Variants in TRERF1 observed in about 807,000 individuals in gnomAD.
TRERF1 encodes the protein transcriptional-regulating factor 1.
Under a neutral mutation model 122.9 loss-of-function variants are expected in TRERF1, and 27 were observed. The ratio of observed to expected loss-of-function variants is 0.22; its 90% confidence interval spans 0.16 to 0.30. The LOEUF (loss-of-function observed/expected upper bound fraction) is 0.30, where lower values mean the gene tolerates loss of function less well. TRERF1 is among the 10% of genes least tolerant of loss of function. The pLI is 1.00. For missense variants in TRERF1, 1,248 were observed against 1,560.3 expected (o/e 0.80, Z 3.37); for synonymous variants, 636 against 641.7 (o/e 0.99, Z 0.13).
In TRERF1 at chr6:42,387,975, T is replaced by G. The variant is rs1010281272; in HGVS notation, c.-453-24896A>C. On this transcript the variant is annotated intron_variant, in intron 2 of 17. Transcript: ENST00000372922. ...GGTACATGCCACCACGCTTGGCTAA[T>G]TTTTACATTTTTAGTAAAGACAGGG... 8.5e-5 allele frequency among the ~76,000 whole-genome samples: 13 copies of G among 152,228 alleles called. No homozygotes were observed. The East Asian group carries it at 2.5e-3, about 29-fold the overall frequency.
At chr6:42,293,642 T>A (rs1434462058) in intron 4 of TRERF1, among the ~76,000 whole-genome samples, 2 of 152,090 alleles carry the variant, frequency 1.3e-5, no homozygotes, top group Non-Finnish European at 2.9e-5. Flanking sequence ...TCCTCTTAGT[T>A]CCGTGAACAC....
chr6:42,376,223 TA>T (rs1315916094), intron 2 of TRERF1, among the ~76,000 whole-genome samples: 1 of 152,236 alleles, frequency 6.6e-6, no homozygotes, highest in Non-Finnish European at 1.5e-5. Context: ...CTTGGAATTC[TA>T]AAATTAAACG....
Position 42,276,373 on chromosome 6 carries a change from T to G in TRERF1, c.-258-6525A>C, listed in dbSNP as rs201228202. ...GAAGAAAAACCAAAAAGATTTTCCT[T>G]TTTCTGACCCCGGGCAGTCAGTTAG... is the stretch of plus-strand genomic sequence containing the variant. On this transcript the variant is annotated intron_variant, in intron 4 of 17. Transcript: ENST00000372922. This position sits in a 1 kb window ranked among gnomAD's most constrained non-coding sequence, Gnocchi z 4.3. Among the ~76,000 whole-genome samples the G allele has an allele frequency of 4.5e-4, 69 of 152,338 alleles. No individual in the cohort carries two copies. The East Asian group carries it at 0.012, about 26-fold the overall frequency.
chr6:42,269,102 G>A lies in TRERF1; in HGVS notation c.489C>T (p.Ala163=), dbSNP rs1779782532. 3 of 1,614,060 alleles carry A rather than the reference G, an allele frequency of 1.9e-6. No homozygotes were observed. The highest frequency in any genetic ancestry group is 2.5e-6 in the Non-Finnish European group (3 of 1,180,048). ...CTGCTGACTGAGTGTGCAGCACCTGGGCCATATTGTTGACCTGAATTCGCA... is the reference window on the plus strand; with the variant it reads ...CTGCTGACTGAGTGTGCAGCACCTGAGCCATATTGTTGACCTGAATTCGCA... Residue 163 remains alanine, a synonymous_variant, in exon 5 of 18, where the codon GCC becomes GCT. Coordinates refer to ENST00000372922, the Ensembl canonical transcript of TRERF1. The surrounding 1 kb of genome is among the most constrained non-coding windows in gnomAD (Gnocchi z 4.9).
At chr6:42,422,697 C>A (rs1400797676) in intron 2 of TRERF1, among the ~76,000 whole-genome samples, 1 of 152,000 alleles carries the variant, frequency 6.6e-6, no homozygotes, top group Non-Finnish European at 1.5e-5. Context: ...TTCGCTCCAC[C>A]CCTTTCTGCC....
At chr6:42,243,995 T>C (rs1178536734) in intron 14 of TRERF1, among the ~76,000 whole-genome samples, 3 of 142,898 alleles carry the variant, frequency 2.1e-5, no homozygotes, top group Middle Eastern at 3.9e-3. Context: ...TCTCCTGCCT[T>C]AGCCTCCCAA....
At chr6:42,308,222 TC>T (rs1787627208) in intron 3 of TRERF1, among the ~76,000 whole-genome samples, 1 of 152,182 alleles carries the variant, frequency 6.6e-6, no homozygotes, top group Non-Finnish European at 1.5e-5. Flanking sequence ...AACCCAAATG[TC>T]CATCAACTGA....
At chr6:42,442,845 C>G (rs760160617) in intron 2 of TRERF1, among the ~76,000 whole-genome samples, 1 of 152,080 alleles carries the variant, frequency 6.6e-6, no homozygotes, top group African/African-American at 2.4e-5. Flanking sequence ...ATTTGGAAAC[C>G]ATTCAAATTG....
intron 3 of TRERF1, among the ~76,000 whole-genome samples, chr6:42,340,525 A>G (rs978504639): frequency 2.0e-5 from 3 of 152,160 alleles, no homozygotes; most frequent in Non-Finnish European, 4.4e-5. Context: ...TCTTCTTCAC[A>G]CACCACATAA....
chr6:42,312,747 A>G (rs1294038540), intron 3 of TRERF1, among the ~76,000 whole-genome samples: 1 of 151,788 alleles, frequency 6.6e-6, no homozygotes, highest in East Asian at 1.9e-4. Context: ...TAATTCATCG[A>G]CTCCACACAC....
intron 4 of TRERF1, among the ~76,000 whole-genome samples, chr6:42,274,444 G>C (rs921673307): frequency 6.6e-6 from 1 of 152,172 alleles, no homozygotes; most frequent in African/African-American, 2.4e-5. Context: ...GGAGGCCAAG[G>C]CAGGGGGATT....
chr6:42,391,880 CAAAAT>C (rs1204592876), intron 2 of TRERF1, among the ~76,000 whole-genome samples: 1 of 152,090 alleles, frequency 6.6e-6, no homozygotes, highest in Non-Finnish European at 1.5e-5. Flanking sequence ...GCTTTGCTCC[CAAAAT>C]AAAATAAAAC....
At chr6:42,226,740 G>C (rs963516696) in exon 18 of TRERF1, 1 of 152,230 alleles carries the variant, frequency 6.6e-6, no homozygotes, top group Admixed American at 6.5e-5. Context: ...AGTCAAAGAC[G>C]TCAGGTCCTA....
intron 3 of TRERF1, among the ~76,000 whole-genome samples, chr6:42,332,615 A>G (rs1765437031): frequency 6.6e-6 from 1 of 152,182 alleles, no homozygotes; most frequent in African/African-American, 2.4e-5. Flanking sequence ...CTCCTTTTCT[A>G]TAATAGGACC....
chr6:42,389,518 A>G (rs1777354938), intron 2 of TRERF1, among the ~76,000 whole-genome samples: 1 of 152,246 alleles, frequency 6.6e-6, no homozygotes, highest in Non-Finnish European at 1.5e-5. Flanking sequence ...TTAGTGTTAA[A>G]TAAGACTGGA....
chr6:42,377,263 T>C (rs1775061788), intron 2 of TRERF1, among the ~76,000 whole-genome samples: 1 of 152,238 alleles, frequency 6.6e-6, no homozygotes, highest in South Asian at 2.1e-4. Flanking sequence ...GTACAACTAC[T>C]ACTATGACTA....
chr6:42,243,202 G>A (rs1774067323), intron 15 of TRERF1, 46 bp downstream of exon 15: 1 of 1,527,518 alleles, frequency 6.5e-7, no homozygotes, highest in Non-Finnish European at 9.1e-7. Context: ...TGGGCCTGGG[G>A]TGGGAGCTGT....
chr6:42,258,878 G>A (rs1462610177), intron 9 of TRERF1, among the ~76,000 whole-genome samples: 1 of 152,174 alleles, frequency 6.6e-6, no homozygotes, highest in Non-Finnish European at 1.5e-5. Context: ...GGGATTACAG[G>A]TGCGTGCCAC....
chr6:42,329,012 G>A (rs1019902745), intron 3 of TRERF1, among the ~76,000 whole-genome samples: 4 of 152,140 alleles, frequency 2.6e-5, no homozygotes, highest in African/African-American at 7.2e-5. Flanking sequence ...GGAAGCTAAG[G>A]CCCTGCCTTG....
Sources: gnomAD v4.1 joint callset for allele counts (sites outside exome capture counted in the v4.1 genomes callset) on GRCh38, gnomAD v4.1.1 for gene constraint, Gnocchi (gnomAD v3.1) non-coding constraint, MANE v1.5 for transcripts, NCBI Gene and HGNC (gene_info 2026-07-23, HGNC 2026-07-21) for gene names.